GGT1: variants seen among roughly 807,000 people sequenced by gnomAD.
The protein encoded by GGT1 is gamma-glutamyltransferase 1.
In GGT1, 21 loss-of-function variants were observed where a neutral mutation model predicts 56.0. The ratio of observed to expected loss-of-function variants is 0.38; its 90% confidence interval spans 0.27 to 0.54. GGT1 has a LOEUF of 0.54. GGT1 is among the 20% of genes least tolerant of loss of function. GGT1 has a pLI of 0.82. For missense variants in GGT1, 466 were observed against 787.0 expected (o/e 0.59, Z 4.88); for synonymous variants, 238 against 342.6 (o/e 0.69, Z 3.37).
chr22:24,592,903 C>T, upstream of GGT1: 1 of 1,278,398 alleles, frequency 7.8e-7, no homozygotes, highest in East Asian at 3.2e-5. Context: ...GCGCTCCGGC[C>T]GCCGCTCGCG....
rs774765565 is a variant in GGT1 at position 24,627,876 on chromosome 22, G to C, written c.1233G>C (p.Pro411=). The change falls in exon 13 of 16, where the codon CCG becomes CCC. Residue 411 remains proline, a synonymous_variant. Transcript: ENST00000400382. ...GCTTTGGCTCCAAGGTCCGCTCCCC[G>C]GTCAGCGGGATCCTGTTCAATAATG... ...NLYFGSKVRS[P]VSGILFNNEM... The C allele has an allele frequency of 1.9e-6, 3 of 1,613,834 alleles. No individual in the cohort carries two copies. The highest frequency in any genetic ancestry group is 3.3e-5 in the Admixed American group (2 of 60,016).
chr22:24,615,988 C>T (rs529907765), intron 7 of GGT1: 1 of 152,174 alleles, frequency 6.6e-6, no homozygotes, highest in Admixed American at 6.6e-5. Flanking sequence ...GCGGTGTGTG[C>T]TTATGTTCCC....
intron 9 of GGT1, among the ~76,000 whole-genome samples, chr22:24,622,543 G>A (rs1319284625): frequency 3.3e-5 from 5 of 152,110 alleles, no homozygotes; most frequent in Non-Finnish European, 7.4e-5. Flanking sequence ...CAGCCTGGGC[G>A]ATAGAGCGAG....
chr22:24,624,014 A>T, intron 11 of GGT1, 98 bp downstream of exon 11: 1 of 1,554,290 alleles, frequency 6.4e-7, no homozygotes, highest in South Asian at 1.2e-5. Context: ...ATGCTTTATG[A>T]ATCCATTCCT....
intron 7 of GGT1, among the ~76,000 whole-genome samples, chr22:24,619,400 G>A (rs1296780970): frequency 0.021 from 1,966 of 94,148 alleles, no homozygotes; most frequent in African/African-American, 0.032. Flanking sequence ...CTCCATCTCA[G>A]AAAAAAAAAA....
upstream of GGT1, chr22:24,592,244 C>T (rs1327416488): frequency 4.3e-6 from 2 of 460,116 alleles, no homozygotes; most frequent in South Asian, 1.6e-5. Context: ...AGAGCCACCA[C>T]CGGACCGAGT....
chr22:24,623,010 A>G, intron 9 of GGT1, 97 bp from the exon 10 acceptor site: 1 of 1,483,512 alleles, frequency 6.7e-7, no homozygotes, highest in South Asian at 1.2e-5. Context: ...ACCATGGTGC[A>G]GCCATGCCTG....
Position 24,620,681 on chromosome 22 carries a change from C to G in GGT1, c.575+161C>G. 6.9e-7 allele frequency: 1 copy of G among 1,459,718 alleles called. No homozygotes were observed. The highest frequency in any genetic ancestry group is 9.1e-7 in the Non-Finnish European group (1 of 1,104,042). 90.4% of individuals were successfully genotyped at this position (1,459,718 alleles called of 1,614,324 possible). Reference sequence around the variant, plus strand: ...TTCCCACCACGTGTGGGGACACATTCTGAGCGTGGGGTCCCAGTGGCCACT... The same window carrying G: ...TTCCCACCACGTGTGGGGACACATTGTGAGCGTGGGGTCCCAGTGGCCACT... On this transcript the variant is annotated intron_variant, in intron 8 of 15. Coordinates refer to ENST00000400382, the MANE Select transcript of GGT1 (RefSeq NM_001288833.2). This position sits in a 1 kb window ranked among gnomAD's most constrained non-coding sequence, Gnocchi z 5.6.
At position 24,628,618 on chromosome 22, in the gene GGT1, G is replaced by A; in HGVS notation, c.1564-75G>A. 2 of 1,610,724 alleles carry A rather than the reference G, an allele frequency of 1.2e-6. No homozygotes were observed. The highest frequency in any genetic ancestry group is 2.2e-5 in the East Asian group (1 of 44,874). ...CCGAAATGGCACCACCTGGGCTGAG[G>A]CCTGTGACCACACAGATGTGGTTCA... On this transcript the variant is annotated intron_variant, in intron 15 of 15. Transcript: ENST00000400382. The surrounding 1 kb of genome is among the most constrained non-coding windows in gnomAD (Gnocchi z 5.7).
At chr22:24,590,405 C>T (rs1322330360), upstream of GGT1, among the ~76,000 whole-genome samples, 1 of 152,196 alleles carries the variant, frequency 6.6e-6, no homozygotes, top group Non-Finnish European at 1.5e-5. Context: ...AGGTGTGAGC[C>T]ACTCAGCCTT....
rs2046264833 is a variant in GGT1, at chr22:24,605,978, CATATATTATATTTATATAATTTATATA to C, written c.-428-1969_-428-1943del. On this transcript the variant is annotated intron_variant, in intron 1 of 15. Coordinates refer to ENST00000400382, the MANE Select transcript of GGT1 (RefSeq NM_001288833.2). ...ATATAATATATTACATATAATATAT[CATATATTATATTTATATAATTTATATA>C]ATATATCATATATTATATTTATATA... 5.1e-5 allele frequency among the ~76,000 whole-genome samples: 2 copies of C among 38,944 alleles called. 1 individual carries two copies. Among genetic ancestry groups the C allele is most frequent in the Non-Finnish European group, 9.0e-5 (2 of 22,280 alleles). 25.5% of individuals were successfully genotyped at this position (38,944 alleles called of 152,430 possible). A position where few individuals can be genotyped will look rare whatever the true frequency, so the allele number is the denominator to read the frequency against.
chr22:24,586,516 A>T, the GGT1 span: 2 of 1,201,376 alleles, frequency 1.7e-6, no homozygotes, highest in Non-Finnish European at 2.4e-6. Context: ...AGTCTGGCAA[A>T]GCCAGATTCA....
Position 24,623,001 on chromosome 22 carries a change from C to T in GGT1, c.734-106C>T, listed in dbSNP as rs2047528067. 7.2e-6 allele frequency: 10 copies of T among 1,385,900 alleles called. No homozygotes were observed. The Admixed American group carries it at 1.5e-4, about 21-fold the overall frequency. 85.9% of individuals were successfully genotyped at this position (1,385,900 alleles called of 1,614,324 possible). On this transcript the variant is annotated intron_variant, in intron 9 of 15. Transcript: ENST00000400382. ...GGTAGGTACAGGCTTTTCCCCACCA[C>T]CATGGTGCAGCCATGCCTGCCCCCA...
At chr22:24,594,391 ATGTGTG>A (rs61535476), upstream of GGT1, among the ~76,000 whole-genome samples, 26 of 142,296 alleles carry the variant, frequency 1.8e-4, no homozygotes, top group East Asian at 4.1e-4. Flanking sequence ...ACCCGTGTGT[ATGTGTG>A]TGTGTGTGTG....
At chr22:24,621,817 G>A (rs2330851) in intron 9 of GGT1, among the ~76,000 whole-genome samples, 7 of 152,080 alleles carry the variant, frequency 4.6e-5, no homozygotes, top group African/African-American at 7.2e-5. Context: ...TTGGGAGGCC[G>A]AGGCGGGTGG....
upstream of GGT1, among the ~76,000 whole-genome samples, chr22:24,590,159 G>T (rs1395305145): frequency 3.3e-5 from 5 of 152,122 alleles, no homozygotes; most frequent in Non-Finnish European, 7.4e-5. Context: ...TTGAGACAGG[G>T]TCTCACCCTG....
At position 24,623,089 on chromosome 22, in the gene GGT1, G is replaced by C; in HGVS notation, c.734-18G>C. 1 of 1,611,856 alleles carries C rather than the reference G, an allele frequency of 6.2e-7. No homozygotes were observed. The highest frequency in any genetic ancestry group is 8.5e-7 in the Non-Finnish European group (1 of 1,179,806). On this transcript the variant is annotated intron_variant, in intron 9 of 15. Coordinates refer to ENST00000400382, the MANE Select transcript of GGT1 (RefSeq NM_001288833.2). ...CAGCCCCATCCCAGCACCCATTTGA[G>C]CTGCTGTCCCATTGCAGGGGGCATT...
chr22:24,593,078 G>A (rs1361877640), upstream of GGT1: 2 of 1,035,964 alleles, frequency 1.9e-6, no homozygotes, highest in East Asian at 8.5e-5. Flanking sequence ...CAGGAGGCCG[G>A]GCTGTCTGCG....
At chr22:24,624,059 C>T (rs2047595287) in intron 11 of GGT1, 143 bp downstream of exon 11, 5 of 1,506,268 alleles carry the variant, frequency 3.3e-6, no homozygotes, top group South Asian at 1.3e-5. Context: ...ACTGTGTGCT[C>T]GGATGGACTC....
Sources: gnomAD v4.1 joint callset for allele counts (sites outside exome capture counted in the v4.1 genomes callset) on GRCh38, gnomAD v4.1.1 for gene constraint, Gnocchi (gnomAD v3.1) non-coding constraint, MANE v1.5 for transcripts, NCBI Gene and HGNC (gene_info 2026-07-23, HGNC 2026-07-21) for gene names.